SPAG11A: variants seen among roughly 807,000 people sequenced by gnomAD.
SPAG11A encodes sperm-associated antigen 11A.
Under a neutral mutation model 5.5 loss-of-function variants are expected in SPAG11A, and 2 were observed. The observed-to-expected ratio is 0.37, with a 90% CI of 0.15 to 1.15. The LOEUF (loss-of-function observed/expected upper bound fraction) is 1.15. Ranked by LOEUF, SPAG11A falls within the 50% of genes most tolerant of loss-of-function variation. The pLI, the probability that SPAG11A is intolerant of heterozygous loss-of-function variation, is 0.38. For synonymous variants in SPAG11A, 11 were observed against 42.7 expected, an observed-to-expected ratio of 0.26 and a Z score of 2.90; for missense variants, 24 against 122.5, an observed-to-expected ratio of 0.20 and a Z score of 3.80.
chr8:7,851,984 G>A (rs1169408991), intron 2 of SPAG11A, among the ~76,000 whole-genome samples: 2 of 117,056 alleles, frequency 1.7e-5, no homozygotes, highest in Admixed American at 9.4e-5. Context: ...TAATTGTAAG[G>A]TGTTATGCCT....
intron 2 of SPAG11A, chr8:7,860,404 T>A (rs1364619154): frequency 1.4e-6 from 2 of 1,429,538 alleles, no homozygotes; most frequent in African/African-American, 2.8e-5. Context: ...GTGGGCTTTT[T>A]AGGGCCTAGA....
rs1213640559 is a variant in SPAG11A at position 7,860,434 on chromosome 8, T to C, written c.215-212T>C. On this transcript the variant is annotated intron_variant, in intron 2 of 2. Coordinates refer to ENST00000642566, the Ensembl canonical transcript of SPAG11A. ...CCTAGATGGGCCAGGTGAGCATTCA[T>C]AAAACACACCCTATCATCCTCCTGG... 2.1e-6 allele frequency: 3 copies of C among 1,425,622 alleles called. 1 individual carries two copies. Among genetic ancestry groups the C allele is most frequent in the Admixed American group, 1.9e-5 (1 of 53,798 alleles). The allele number at this position is 1,425,622 out of a possible 1,614,324, so 88.3% of individuals were successfully genotyped here. A position where few individuals can be genotyped will look rare whatever the true frequency, so the allele number is the denominator to read the frequency against.
At chr8:7,857,933 T>C (rs1585709454) in intron 2 of SPAG11A, among the ~76,000 whole-genome samples, 1 of 94,264 alleles carries the variant, frequency 1.1e-5, no homozygotes, top group African/African-American at 2.9e-5. Context: ...GCTGGTTAAA[T>C]AACGCAGAAG....
At chr8:7,861,599 T>G (rs1315127559), downstream of SPAG11A, among the ~76,000 whole-genome samples, 2 of 140,542 alleles carry the variant, frequency 1.4e-5, no homozygotes, top group Admixed American at 7.2e-5. Context: ...GGATCCTGCT[T>G]GAATTTGTTG....
intron 2 of SPAG11A, among the ~76,000 whole-genome samples, chr8:7,858,272 C>T (rs1287896410): frequency 3.4e-5 from 4 of 116,412 alleles, no homozygotes; most frequent in Admixed American, 1.8e-4. Flanking sequence ...CAGCTTTATC[C>T]ACTGTGTGTT....
At chr8:7,860,312 T>A (rs757646240) in intron 2 of SPAG11A, 1 of 1,420,192 alleles carries the variant, frequency 7.0e-7, no homozygotes, top group South Asian at 1.4e-5. Context: ...TCTGGACCAC[T>A]TCTGTTTTCC....
chr8:7,857,802 C>A (rs373450788), intron 2 of SPAG11A, among the ~76,000 whole-genome samples: 2,904 of 68,664 alleles, frequency 0.042, 44 homozygotes, highest in East Asian at 0.063. Context: ...GAACACCCAG[C>A]CCCTGCCTCT....
Position 7,854,913 on chromosome 8 carries a change from AG to A in SPAG11A, c.215-5732del, listed in dbSNP as rs1282185665. Among the ~76,000 whole-genome samples the A allele has an allele frequency of 6.6e-4, 4 of 6,020 alleles. No homozygotes were observed. The South Asian group carries it at 0.016, about 23-fold the overall frequency. The allele number at this position is 6,020 out of a possible 152,430, so 3.9% of individuals were successfully genotyped here. On this transcript the variant is annotated intron_variant, in intron 2 of 2. Transcript: ENST00000642566. ...AGCAGCTTTTTAGTACAGGCCCCTG[AG>A]CCCTGATGAGGTTTTATGGCCACCA...
chr8:7,852,837 A>T (rs1585706340), intron 2 of SPAG11A, among the ~76,000 whole-genome samples: 1 of 67,766 alleles, frequency 1.5e-5, no homozygotes, highest in Non-Finnish European at 3.7e-5. Flanking sequence ...ATTTATTTTT[A>T]TATCTGTAGA....
At chr8:7,852,624 C>T (rs567448214) in intron 2 of SPAG11A, among the ~76,000 whole-genome samples, 34 of 152,212 alleles carry the variant, frequency 2.2e-4, no homozygotes, top group East Asian at 9.7e-4. Flanking sequence ...TGAGCCACCG[C>T]GCCCGGCCAG....
At chr8:7,861,306 C>A (rs1304001158), downstream of SPAG11A, among the ~76,000 whole-genome samples, 18 of 142,778 alleles carry the variant, frequency 1.3e-4, no homozygotes, top group Non-Finnish European at 1.5e-4. Context: ...TGTTTTCAAG[C>A]ATTTACTCTT....
intron 2 of SPAG11A, chr8:7,860,326 A>C (rs770112435): frequency 7.0e-7 from 1 of 1,423,330 alleles, no homozygotes; most frequent in Non-Finnish European, 9.5e-7. Context: ...GTTTTCCAAA[A>C]CTCCCTTTGT....
intron 2 of SPAG11A, 179 bp from the exon 3 acceptor site, chr8:7,860,467 T>A (rs533483341): frequency 3.5e-6 from 5 of 1,415,980 alleles, no homozygotes; most frequent in African/African-American, 1.4e-5. Context: ...TGGCAACATT[T>A]CAGATATAAA....
chr8:7,860,673 C>T (rs749047751), exon 3 of SPAG11A: 9 of 1,521,916 alleles, frequency 5.9e-6, no homozygotes, highest in African/African-American at 1.4e-5. Context: ...ATTAGAAATA[C>T]CATCTGCCGT....
At chr8:7,860,620 T>A (rs1420342856) in intron 2 of SPAG11A, 26 bp from the exon 3 acceptor site, 1 of 1,411,730 alleles carries the variant, frequency 7.1e-7, no homozygotes, top group African/African-American at 1.4e-5. Flanking sequence ...GAGTTAAATG[T>A]CAACTCTCTT....
chr8:7,860,057 AG>A (rs1479198726), intron 2 of SPAG11A, among the ~76,000 whole-genome samples: 2 of 150,628 alleles, frequency 1.3e-5, no homozygotes, highest in Non-Finnish European at 3.0e-5. Context: ...TGCTGTTTAA[AG>A]TCATCGTACG....
chr8:7,860,096 G>A (rs1431999620), intron 2 of SPAG11A, among the ~76,000 whole-genome samples: 1 of 149,886 alleles, frequency 6.7e-6, no homozygotes, highest in Non-Finnish European at 1.5e-5. Flanking sequence ...ACATAAGTAA[G>A]ATCTTTCTTT....
intron 2 of SPAG11A, among the ~76,000 whole-genome samples, chr8:7,852,814 C>G (rs1351099893): frequency 8.1e-6 from 1 of 122,886 alleles, no homozygotes; most frequent in Admixed American, 8.7e-5. Context: ...CTTTTGTTCT[C>G]TACTTTGCAG....
chr8:7,859,742 T>C (rs1045501919), intron 2 of SPAG11A, among the ~76,000 whole-genome samples: 2 of 2,656 alleles, frequency 7.5e-4, no homozygotes, highest in African/African-American at 8.0e-4. Context: ...ATAGAACACA[T>C]TTACAGATGG....
Sources: gnomAD v4.1 joint callset for allele counts (sites outside exome capture counted in the v4.1 genomes callset) on GRCh38, gnomAD v4.1.1 for gene constraint, MANE v1.5 for transcripts, NCBI Gene and HGNC (gene_info 2026-07-23, HGNC 2026-07-21) for gene names.